MPPED2: variants seen among roughly 807,000 people sequenced by gnomAD.
The protein encoded by MPPED2 is metallophosphoesterase domain containing 2, also known as metallophosphoesterase MPPED2.
In MPPED2, 5 loss-of-function variants were observed where a neutral mutation model predicts 33.0. That is an observed-to-expected ratio of 0.15 (90% CI 0.08 to 0.32). The LOEUF (loss-of-function observed/expected upper bound fraction) is 0.32. MPPED2 is among the 10% of genes least tolerant of loss of function. The pLI, the probability that MPPED2 is intolerant of heterozygous loss-of-function variation, is 1.00. For missense variants in MPPED2, 275 were observed against 372.1 expected (o/e 0.74, Z 2.15); for synonymous variants, 136 against 141.9 (o/e 0.96, Z 0.29).
chr11:30,515,553 G>A (rs112925637), intron 3 of MPPED2, among the ~76,000 whole-genome samples: 4 of 152,232 alleles, frequency 2.6e-5, no homozygotes, highest in African/African-American at 9.6e-5. Context: ...GAATTGAATT[G>A]TCTCTCCTGA....
upstream of MPPED2, chr11:30,586,797 G>T (rs1316275908): frequency 6.6e-6 from 1 of 152,212 alleles, no homozygotes; most frequent in Non-Finnish European, 1.5e-5. This position sits in a 1 kb window ranked among gnomAD's most constrained non-coding sequence, Gnocchi z 4.8. Flanking sequence ...GCTCACCGCA[G>T]GGGTAAGGGG....
intron 2 of MPPED2, among the ~76,000 whole-genome samples, chr11:30,572,999 T>C (rs1956772604): frequency 6.6e-6 from 1 of 152,202 alleles, no homozygotes; most frequent in Non-Finnish European, 1.5e-5. Context: ...ACTTGCTAAA[T>C]ATCAGAGCTG....
intron 3 of MPPED2, among the ~76,000 whole-genome samples, chr11:30,509,693 T>A (rs1953041148): frequency 6.6e-6 from 1 of 152,146 alleles, no homozygotes; most frequent in African/African-American, 2.4e-5. Flanking sequence ...TCCTTTTGCT[T>A]CCAACAGAAA....
chr11:30,545,475 T>G (rs1047388761), intron 2 of MPPED2, among the ~76,000 whole-genome samples: 1 of 152,104 alleles, frequency 6.6e-6, no homozygotes, highest in African/African-American at 2.4e-5. Context: ...CTCCCGTAGC[T>G]CTATCTTACA....
At chr11:30,533,560 C>T (rs1433450347) in intron 3 of MPPED2, among the ~76,000 whole-genome samples, 1 of 152,154 alleles carries the variant, frequency 6.6e-6, no homozygotes, top group Admixed American at 6.5e-5. Context: ...GCTAGAAGCA[C>T]CCTTTCAGAA....
intron 3 of MPPED2, among the ~76,000 whole-genome samples, chr11:30,522,487 G>A (rs755862720): frequency 5.3e-5 from 8 of 151,760 alleles, no homozygotes; most frequent in Middle Eastern, 3.2e-3. Context: ...CTGTGTGACG[G>A]GTATATGAGT....
In MPPED2 at chr11:30,452,884, GA is replaced by G. The variant is rs201094889; in HGVS notation, c.537-35252del. Among the ~76,000 whole-genome samples, 141 of 148,168 alleles carry G rather than the reference GA, an allele frequency of 9.5e-4. No homozygotes were observed. The East Asian group carries it at 0.014, about 15-fold the overall frequency. On this transcript the variant is annotated intron_variant, in intron 4 of 6. Coordinates refer to ENST00000358117, the MANE Select transcript of MPPED2 (RefSeq NM_001584.3). ...AACTTACAGCAAAAGAGGGATCTGGGAAAAAAAAAAGAGCCTTGGTGGGGGC... is the reference window on the plus strand; with the variant it reads ...AACTTACAGCAAAAGAGGGATCTGGGAAAAAAAAAGAGCCTTGGTGGGGGC...
chr11:30,386,680 T>G lies in MPPED2; in HGVS notation c.*2209A>C, dbSNP rs372993229. The G allele has an allele frequency of 1.1e-4, 45 of 398,390 alleles. No homozygotes were observed. In the East Asian group the frequency reaches 1.4e-3, roughly 12 times the overall value. 24.7% of individuals were successfully genotyped at this position (398,390 alleles called of 1,614,324 possible). A position where few individuals can be genotyped will look rare whatever the true frequency, so the allele number is the denominator to read the frequency against. On this transcript the variant is annotated 3_prime_UTR_variant, in exon 7 of 7. Coordinates refer to the MPPED2 transcript ENST00000448418. ...TCCCAAATAAATGAATGAACAGAAC[T>G]CAAATCAGATGAACTTCAGTAACTC...
chr11:30,526,335 G>GA (rs888866556), intron 3 of MPPED2, among the ~76,000 whole-genome samples: 69 of 149,056 alleles, frequency 4.6e-4, no homozygotes, highest in African/African-American at 1.5e-3. Flanking sequence ...AAAGGGGAAA[G>GA]AAAAAAAAAT....
intron 2 of MPPED2, among the ~76,000 whole-genome samples, chr11:30,543,760 T>C (rs558008863): frequency 6.6e-6 from 1 of 151,010 alleles, no homozygotes; most frequent in African/African-American, 2.4e-5. Context: ...GAATATGTGA[T>C]TGAACTAAGG....
chr11:30,546,073 G>A (rs1020792944), intron 2 of MPPED2, among the ~76,000 whole-genome samples: 1 of 152,126 alleles, frequency 6.6e-6, no homozygotes, highest in South Asian at 2.1e-4. Flanking sequence ...GCCTGCCTTG[G>A]CCTCCCAAAG....
At chr11:30,388,432 C>T in exon 7 of MPPED2, 1 of 153,316 alleles carries the variant, frequency 6.5e-6, no homozygotes, top group Non-Finnish European at 1.5e-5. Flanking sequence ...GGAAGGCCTG[C>T]CTTAGGCCTG....
At chr11:30,450,135 AG>A (rs1485112433) in intron 4 of MPPED2, among the ~76,000 whole-genome samples, 6 of 152,242 alleles carry the variant, frequency 3.9e-5, no homozygotes, top group Non-Finnish European at 8.8e-5. Flanking sequence ...AAGAGGGTAG[AG>A]GAAAGGGTCT....
chr11:30,532,984 T>C (rs1200069480), intron 3 of MPPED2, among the ~76,000 whole-genome samples: 1 of 152,174 alleles, frequency 6.6e-6, no homozygotes, highest in African/African-American at 2.4e-5. Context: ...ATCTTTCAAA[T>C]ACGTGCAATA....
At chr11:30,584,612 C>T (rs557556639) in intron 1 of MPPED2, 1 of 152,306 alleles carries the variant, frequency 6.6e-6, no homozygotes, top group African/African-American at 2.4e-5. Flanking sequence ...GATTGATGAC[C>T]ACCGGCGGCC....
intron 2 of MPPED2, among the ~76,000 whole-genome samples, chr11:30,553,026 C>T (rs554092025): frequency 6.6e-6 from 1 of 152,226 alleles, no homozygotes; most frequent in East Asian, 1.9e-4. Flanking sequence ...CAGGCCCGGC[C>T]ACCCACGGTG....
intron 2 of MPPED2, among the ~76,000 whole-genome samples, chr11:30,555,750 A>C (rs1955936107): frequency 6.6e-6 from 1 of 152,158 alleles, no homozygotes; most frequent in African/African-American, 2.4e-5. Context: ...TTTTCTTGAT[A>C]AATTACGCAG....
At chr11:30,483,954 T>G (rs1018493112) in intron 4 of MPPED2, among the ~76,000 whole-genome samples, 2 of 152,230 alleles carry the variant, frequency 1.3e-5, no homozygotes, top group African/African-American at 4.8e-5. Context: ...TAGTTCTATA[T>G]GCAATCATTT....
intron 4 of MPPED2, among the ~76,000 whole-genome samples, chr11:30,440,866 C>A (rs1181755076): frequency 6.6e-6 from 1 of 152,212 alleles, no homozygotes; most frequent in African/African-American, 2.4e-5. Flanking sequence ...AATACCATTA[C>A]TACCATGTTT....
Sources: allele counts gnomAD v4.1 joint callset (sites outside exome capture counted in the v4.1 genomes callset), GRCh38; gene constraint gnomAD v4.1.1; non-coding constraint Gnocchi (gnomAD v3.1); transcripts MANE v1.5; gene names NCBI Gene and HGNC (gene_info 2026-07-23, HGNC 2026-07-21).